The following BABAM2 variants were observed in gnomAD, a reference collection of about 807,000 sequenced individuals.
The protein encoded by BABAM2 is BRISC and BRCA1-A complex member 2.
In BABAM2, 31 loss-of-function variants were observed where a neutral mutation model predicts 54.7. That is an observed-to-expected ratio of 0.57 (90% confidence interval 0.43 to 0.77). BABAM2 has a LOEUF of 0.77. Ranked by LOEUF, BABAM2 falls within the 30% of genes least tolerant of loss-of-function variation. The probability of loss-of-function intolerance (pLI) is 0.00; values close to 1 mark genes in which losing one functional copy is unlikely to be tolerated. For missense variants in BABAM2, 364 were observed against 455.8 expected (o/e 0.80, Z 1.83); for synonymous variants, 167 against 162.9 (o/e 1.03, Z -0.19).
intron 5 of BABAM2, 77 bp from the exon 6 acceptor site, chr2:28,045,648 T>C (rs1677499811): frequency 1.5e-6 from 2 of 1,298,152 alleles, no homozygotes; most frequent in African/African-American, 1.5e-5. Flanking sequence ...CAGGTTGAAC[T>C]TGTGGCCTTG....
chr2:28,190,544 A>G (rs954698421), intron 7 of BABAM2, among the ~76,000 whole-genome samples: 1 of 152,164 alleles, frequency 6.6e-6, no homozygotes, highest in African/African-American at 2.4e-5. Flanking sequence ...AAAATTAGCT[A>G]GGCGTGGTGG....
intron 6 of BABAM2, among the ~76,000 whole-genome samples, chr2:28,046,916 G>A (rs150720572): frequency 6.6e-6 from 1 of 151,778 alleles, no homozygotes; most frequent in East Asian, 1.9e-4. Context: ...CTACAGGCGT[G>A]CACCACTGTG....
At chr2:28,080,933 G>A (rs1665110358) in intron 6 of BABAM2, among the ~76,000 whole-genome samples, 1 of 152,148 alleles carries the variant, frequency 6.6e-6, no homozygotes, top group African/African-American at 2.4e-5. Context: ...GAGCACAATT[G>A]TCTAAGAACA....
At chr2:28,033,793 T>A (rs951539290) in intron 5 of BABAM2, among the ~76,000 whole-genome samples, 2 of 100,876 alleles carry the variant, frequency 2.0e-5, no homozygotes, top group Admixed American at 1.9e-4. Flanking sequence ...AACATTTTGA[T>A]TAAAGTGTTT....
chr2:27,979,173 A>G (rs1312213142), intron 3 of BABAM2, among the ~76,000 whole-genome samples: 1 of 151,902 alleles, frequency 6.6e-6, no homozygotes, highest in Non-Finnish European at 1.5e-5. Flanking sequence ...GACTACAGGC[A>G]TGCGCCACCA....
At chr2:28,236,101 A>G (rs1279544012) in intron 7 of BABAM2, among the ~76,000 whole-genome samples, 7 of 152,218 alleles carry the variant, frequency 4.6e-5, no homozygotes, top group Non-Finnish European at 1.0e-4. Flanking sequence ...TAATCACAAC[A>G]TTAAGGGATT....
intron 7 of BABAM2, among the ~76,000 whole-genome samples, chr2:28,191,374 G>A (rs1573798859): frequency 6.6e-6 from 1 of 152,286 alleles, no homozygotes; most frequent in Admixed American, 6.5e-5. Flanking sequence ...AGATGACCCA[G>A]CCATTCTACT....
At chr2:28,327,229 C>T (rs749661205) in intron 11 of BABAM2, 2 of 1,558,748 alleles carry the variant, frequency 1.3e-6, no homozygotes, top group South Asian at 2.4e-5. Flanking sequence ...TCCATTTAGC[C>T]AGCTGGCCCT....
chr2:28,065,436 T>G (rs1679237723), intron 6 of BABAM2, among the ~76,000 whole-genome samples: 1 of 152,188 alleles, frequency 6.6e-6, no homozygotes, highest in African/African-American at 2.4e-5. Context: ...GAGCCACTCC[T>G]TGGGTTGTGG....
intron 6 of BABAM2, among the ~76,000 whole-genome samples, chr2:28,057,959 C>T (rs1218948410): frequency 6.6e-6 from 1 of 151,974 alleles, no homozygotes; most frequent in Non-Finnish European, 1.5e-5. Flanking sequence ...CTGGCTAACA[C>T]AGTGAAACCC....
At chr2:28,230,259 C>T (rs1681251810) in intron 7 of BABAM2, among the ~76,000 whole-genome samples, 1 of 152,030 alleles carries the variant, frequency 6.6e-6, no homozygotes, top group South Asian at 2.1e-4. Context: ...TTTTCTTGTC[C>T]TATTGTACTC....
intron 7 of BABAM2, among the ~76,000 whole-genome samples, chr2:28,222,913 T>C (rs1249098000): frequency 6.6e-6 from 1 of 152,218 alleles, no homozygotes; most frequent in Non-Finnish European, 1.5e-5. Context: ...CTGGCCCTGC[T>C]TCCCCGCAGG....
intron 6 of BABAM2, among the ~76,000 whole-genome samples, chr2:28,105,044 TG>T (rs1667392697): frequency 1.8e-5 from 1 of 56,174 alleles, no homozygotes; most frequent in Non-Finnish European, 3.6e-5. Flanking sequence ...TGTTGTGGGG[TG>T]GGGGGATGGG....
At chr2:27,973,444 T>TC (rs1553403483) in intron 3 of BABAM2, among the ~76,000 whole-genome samples, 50 of 150,532 alleles carry the variant, frequency 3.3e-4, no homozygotes, top group South Asian at 1.7e-3. Flanking sequence ...TTTTTTTTTT[T>TC]CCCCACCAAC....
chr2:28,283,269 G>A lies in BABAM2; in HGVS notation c.935-15069G>A, dbSNP rs115710281. ...TTGAGGCAGTTCACCACTCTATAGC[G>A]TAATCTCATTTGTAAAACGGAGAGT... On this transcript the variant is annotated intron_variant, in intron 10 of 11. Coordinates refer to ENST00000379624, the MANE Select transcript of BABAM2 (RefSeq NM_199191.3). Among the ~76,000 whole-genome samples the A allele has an allele frequency of 7.1e-3, 1,086 of 152,258 alleles. 8 individuals carry two copies. Among genetic ancestry groups the A allele is most frequent in the African/African-American group, 0.025 (1,026 of 41,538 alleles).
At chr2:28,250,067 G>A (rs897213691) in intron 10 of BABAM2, among the ~76,000 whole-genome samples, 1 of 152,200 alleles carries the variant, frequency 6.6e-6, no homozygotes, top group Non-Finnish European at 1.5e-5. Flanking sequence ...ATAAGAAGGA[G>A]ATGCTGTGAG....
At chr2:28,155,460 G>T (rs897804095) in intron 7 of BABAM2, among the ~76,000 whole-genome samples, 2 of 152,066 alleles carry the variant, frequency 1.3e-5, no homozygotes, top group Non-Finnish European at 2.9e-5. Context: ...GGAGTACACC[G>T]TATTTTAATG....
intron 7 of BABAM2, among the ~76,000 whole-genome samples, chr2:28,222,357 G>A (rs188508171): frequency 1.8e-4 from 27 of 152,234 alleles, no homozygotes; most frequent in Non-Finnish European, 2.6e-4. Context: ...ACATCTCACC[G>A]AAGTCCCATT....
chr2:28,182,282 G>A (rs569872438), intron 7 of BABAM2, among the ~76,000 whole-genome samples: 56 of 152,274 alleles, frequency 3.7e-4, no homozygotes, highest in Admixed American at 5.9e-4. Context: ...CCCACTTAGG[G>A]ACAGGAGTTC....
Sources: allele counts gnomAD v4.1 joint callset (sites outside exome capture counted in the v4.1 genomes callset), GRCh38; gene constraint gnomAD v4.1.1; transcripts MANE v1.5; gene names NCBI Gene and HGNC (gene_info 2026-07-23, HGNC 2026-07-21).